Variants in VAX2 observed in about 807,000 individuals in gnomAD.
VAX2 encodes the protein ventral anterior homeobox 2.
In VAX2, 8 loss-of-function variants were observed where a neutral mutation model predicts 12.5. The ratio of observed to expected loss-of-function variants is 0.64; its 90% CI spans 0.37 to 1.15. VAX2 has a LOEUF of 1.15. Ranked by LOEUF, VAX2 falls within the 50% of genes most tolerant of loss-of-function variation. The pLI is 0.01. For missense variants in VAX2, 476 were observed against 412.9 expected, an observed-to-expected ratio of 1.15 and a Z score of -1.32; for synonymous variants, 183 against 187.6, an observed-to-expected ratio of 0.98 and a Z score of 0.20.
intron 1 of VAX2, among the ~76,000 whole-genome samples, chr2:70,918,695 G>A (rs1553412375): frequency 6.6e-6 from 1 of 151,968 alleles, no homozygotes; most frequent in Non-Finnish European, 1.5e-5. Context: ...AGGAGATTGA[G>A]ACTATCCTGG....
chr2:70,908,990 A>C (rs1413807406), intron 1 of VAX2, among the ~76,000 whole-genome samples: 4 of 152,080 alleles, frequency 2.6e-5, no homozygotes, highest in African/African-American at 9.7e-5. Context: ...CTATTGATTC[A>C]TTTCCTTTGA....
At position 70,900,620 on chromosome 2, in the gene VAX2, G is replaced by A. The variant is rs1678894005; in HGVS notation, c.-2G>A. 2 of 1,266,824 alleles carry A rather than the reference G, an allele frequency of 1.6e-6. No individual in the cohort carries two copies. Among genetic ancestry groups the A allele is most frequent in the South Asian group, 2.8e-5 (1 of 35,800 alleles). 78.5% of individuals were successfully genotyped at this position (1,266,824 alleles called of 1,614,324 possible). On this transcript the variant is annotated 5_prime_UTR_variant, in exon 1 of 3. Transcript: ENST00000234392. ...GTAGAGGGGTTGGCAGTGGCGGTCA[G>A]CATGGGCGATGGGGGCGCCGAGCGC...
At chr2:70,931,448 A>G (rs558140801) in intron 2 of VAX2, among the ~76,000 whole-genome samples, 1 of 152,264 alleles carries the variant, frequency 6.6e-6, no homozygotes, top group South Asian at 2.1e-4. Flanking sequence ...AAACCGGGCA[A>G]TGGCCAGATT....
chr2:70,918,510 C>T (rs146006136), intron 1 of VAX2, among the ~76,000 whole-genome samples: 141 of 152,322 alleles, frequency 9.3e-4, no homozygotes, highest in African/African-American at 2.0e-3. Context: ...CCATTATGTT[C>T]TCTAGGGGAA....
chr2:70,927,339 CA>C (rs1679596960), intron 2 of VAX2, among the ~76,000 whole-genome samples: 1 of 151,796 alleles, frequency 6.6e-6, no homozygotes, highest in Admixed American at 6.6e-5. Context: ...AGGTGGAGAA[CA>C]AACTGCCAAG....
At chr2:70,926,273 C>T (rs1679569704) in intron 2 of VAX2, among the ~76,000 whole-genome samples, 1 of 152,156 alleles carries the variant, frequency 6.6e-6, no homozygotes, top group Non-Finnish European at 1.5e-5. Context: ...TGCCCAGACT[C>T]CATGGCTGTG....
chr2:70,909,654 T>C lies in VAX2; in HGVS notation c.247+8786T>C, dbSNP rs538218283. On this transcript the variant is annotated intron_variant, in intron 1 of 2. Coordinates refer to ENST00000234392, the MANE Select transcript of VAX2 (RefSeq NM_012476.3). The stretch of plus-strand genomic sequence containing the variant: ...AAATTGGATTTTTTTGCAATGACTT[T>C]TTTCTTAATTAAACAAATTGTCTTA... 1.9e-4 allele frequency among the ~76,000 whole-genome samples: 29 copies of C among 152,300 alleles called. No homozygotes were observed. In the South Asian group the frequency reaches 2.3e-3, roughly 12 times the overall value.
chr2:70,910,126 T>C (rs1679150712), intron 1 of VAX2, among the ~76,000 whole-genome samples: 1 of 152,132 alleles, frequency 6.6e-6, no homozygotes, highest in African/African-American at 2.4e-5. Flanking sequence ...TTTTAAGAGA[T>C]ACATGTTGAA....
chr2:70,928,406 G>C (rs1679619357), intron 2 of VAX2, among the ~76,000 whole-genome samples: 1 of 152,206 alleles, frequency 6.6e-6, no homozygotes, highest in African/African-American at 2.4e-5. Context: ...GAAAATTCCA[G>C]TGTGCGGCCA....
Position 70,900,695 on chromosome 2 carries a change from G to T in VAX2, c.74G>T (p.Cys25Phe). The T allele has an allele frequency of 2.2e-6, 3 of 1,337,362 alleles. No homozygotes were observed. The highest frequency in any genetic ancestry group is 2.9e-6 in the Non-Finnish European group (3 of 1,042,508). 82.8% of individuals were successfully genotyped at this position (1,337,362 alleles called of 1,614,324 possible). Residue 25 changes from cysteine to phenylalanine, a missense_variant, in exon 1 of 3, where the codon TGC (cysteine) becomes TTC (phenylalanine). Coordinates refer to ENST00000234392, the MANE Select transcript of VAX2 (RefSeq NM_012476.3). ...GAGTCTGGTGGCGGCGGTGGGCGCT[G>T]CGGAGACCGCAGCGGAGCGGGGGAC... ...RAESGGGGGR[C>F]GDRSGAGDLR... is the part of the protein sequence containing the mutation.
intron 1 of VAX2, among the ~76,000 whole-genome samples, chr2:70,919,250 TA>T (rs147492404): frequency 3.7e-5 from 5 of 134,690 alleles, no homozygotes; most frequent in East Asian, 4.4e-4. Context: ...AAAAAAAGAA[TA>T]AAAAAAAAAG....
At chr2:70,905,115 T>A (rs1218708338) in intron 1 of VAX2, among the ~76,000 whole-genome samples, 1 of 151,910 alleles carries the variant, frequency 6.6e-6, no homozygotes, top group Non-Finnish European at 1.5e-5. Context: ...CTTGGGGAGA[T>A]CGGCCGGGCC....
At chr2:70,919,356 T>G (rs568302806) in intron 1 of VAX2, among the ~76,000 whole-genome samples, 1,630 of 55,188 alleles carry the variant, frequency 0.03, 27 homozygotes, top group African/African-American at 0.19. Flanking sequence ...AAAATGGGGA[T>G]CATATAGTTC....
chr2:70,922,408 C>G (rs1553412973), intron 2 of VAX2, among the ~76,000 whole-genome samples: 3 of 152,144 alleles, frequency 2.0e-5, no homozygotes, highest in Admixed American at 2.0e-4. Flanking sequence ...GGCTGCTGTC[C>G]TCCCCTGTGT....
rs892101107 is a variant in VAX2 at position 70,904,422 on chromosome 2, C to G, written c.247+3554C>G. On this transcript the variant is annotated intron_variant, in intron 1 of 2. Transcript: ENST00000234392. The surrounding 1 kb of genome is among the most constrained non-coding windows in gnomAD (Gnocchi z 4.2). ...TCGATGCTCCACCTGCACGCTCAAA[C>G]GCACCTGTTTCCCAAATTAATCCAG... Among the ~76,000 whole-genome samples, 1 of 152,216 alleles carries G rather than the reference C, an allele frequency of 6.6e-6. No homozygotes were observed. Among genetic ancestry groups the G allele is most frequent in the Non-Finnish European group, 1.5e-5 (1 of 68,034 alleles).
intron 1 of VAX2, among the ~76,000 whole-genome samples, chr2:70,916,679 G>A (rs1679311990): frequency 6.6e-6 from 1 of 152,122 alleles, no homozygotes; most frequent in Non-Finnish European, 1.5e-5. Flanking sequence ...TGTGTAAATT[G>A]TTGTGTGTTT....
intron 1 of VAX2, among the ~76,000 whole-genome samples, chr2:70,911,146 C>T (rs17006519): frequency 0.074 from 11,267 of 152,030 alleles, 510 homozygotes; most frequent in South Asian, 0.17. Context: ...CAGACTTGTT[C>T]CTATGTGGTT....
chr2:70,909,826 G>A (rs1430983484), intron 1 of VAX2, among the ~76,000 whole-genome samples: 3 of 152,112 alleles, frequency 2.0e-5, no homozygotes, highest in Non-Finnish European at 4.4e-5. Context: ...TAGGTTGGTT[G>A]TACTTTTTCA....
At chr2:70,906,322 G>A (rs1679057871) in intron 1 of VAX2, among the ~76,000 whole-genome samples, 1 of 152,114 alleles carries the variant, frequency 6.6e-6, no homozygotes. Context: ...GCAGAAAGAG[G>A]TAGCAGCCCC....
Sources: gnomAD v4.1 joint callset for allele counts (sites outside exome capture counted in the v4.1 genomes callset) on GRCh38, gnomAD v4.1.1 for gene constraint, Gnocchi (gnomAD v3.1) non-coding constraint, MANE v1.5 for transcripts, NCBI Gene and HGNC (gene_info 2026-07-23, HGNC 2026-07-21) for gene names.